The following TRDN variants were observed in gnomAD, a reference collection of about 807,000 sequenced individuals.
TRDN encodes the protein triadin in skeletal muscle.
TRDN carries 161 observed loss-of-function variants against 149.7 expected under a neutral mutation model. The ratio of observed to expected loss-of-function variants is 1.08; its 90% confidence interval spans 0.95 to 1.23. The LOEUF (loss-of-function observed/expected upper bound fraction) is 1.23, where lower values mean the gene tolerates loss of function less well. TRDN is among the 50% of genes most tolerant of loss of function. The probability of loss-of-function intolerance (pLI) is 0.00; values close to 1 mark genes in which losing one functional copy is unlikely to be tolerated. For missense variants in TRDN, 896 were observed against 823.5 expected, an observed-to-expected ratio of 1.09 and a Z score of -1.08; for synonymous variants, 294 against 250.5, an observed-to-expected ratio of 1.17 and a Z score of -1.64.
At chr6:123,229,195 A>T (rs1257782329) in intron 38 of TRDN, among the ~76,000 whole-genome samples, 2 of 151,934 alleles carry the variant, frequency 1.3e-5, no homozygotes, top group Non-Finnish European at 2.9e-5. Flanking sequence ...TCATGAAAAA[A>T]TGGGCCATCT....
chr6:123,441,345 C>T (rs1774874169), intron 10 of TRDN, among the ~76,000 whole-genome samples: 1 of 152,158 alleles, frequency 6.6e-6, no homozygotes, highest in South Asian at 2.1e-4. Context: ...CCTCTTCCAT[C>T]TCTTTCTCAT....
intron 21 of TRDN, among the ~76,000 whole-genome samples, chr6:123,346,589 T>C (rs1468405495): frequency 6.6e-6 from 1 of 152,030 alleles, no homozygotes; most frequent in African/African-American, 2.4e-5. Context: ...CTTTGTGTTG[T>C]GCTTACCAGA....
At chr6:123,443,333 G>A (rs1052673818) in intron 10 of TRDN, among the ~76,000 whole-genome samples, 1 of 151,728 alleles carries the variant, frequency 6.6e-6, no homozygotes, top group Admixed American at 6.6e-5. Flanking sequence ...ATAGGAGGTG[G>A]CTTGGTTTTT....
At chr6:123,327,942 C>T (rs146315829) in intron 23 of TRDN, among the ~76,000 whole-genome samples, 372 of 152,190 alleles carry the variant, frequency 2.4e-3, no homozygotes, top group Middle Eastern at 6.8e-3. Flanking sequence ...TATATGTGAT[C>T]ATATTACACA....
At chr6:123,351,006 C>T in intron 21 of TRDN, 1 of 983,972 alleles carries the variant, frequency 1.0e-6, no homozygotes, top group Non-Finnish European at 1.2e-6. Flanking sequence ...ACAATGTTTT[C>T]AAATCAATTG....
At chr6:123,428,988 G>C (rs1206563687) in intron 12 of TRDN, 1 of 152,094 alleles carries the variant, frequency 6.6e-6, no homozygotes, top group African/African-American at 2.4e-5. Flanking sequence ...AGAAAAGTAA[G>C]AGTCAGACCT....
At chr6:123,314,814 G>A (rs910254533) in intron 24 of TRDN, among the ~76,000 whole-genome samples, 1 of 151,920 alleles carries the variant, frequency 6.6e-6, no homozygotes, top group Non-Finnish European at 1.5e-5. Context: ...AACACATAAA[G>A]AAGAATAACA....
chr6:123,333,593 A>AG (rs1243652144), intron 22 of TRDN, among the ~76,000 whole-genome samples: 11 of 152,028 alleles, frequency 7.2e-5, no homozygotes, highest in Admixed American at 5.9e-4. Flanking sequence ...CTTTGTCCTC[A>AG]GGGGCTTTTG....
intron 2 of TRDN, among the ~76,000 whole-genome samples, chr6:123,551,268 A>G (rs1325001039): frequency 3.5e-5 from 5 of 143,366 alleles, no homozygotes; most frequent in East Asian, 3.9e-4. Flanking sequence ...TTATGAAGTT[A>G]TCATTGCTAG....
At chr6:123,409,176 C>A (rs771624314) in intron 12 of TRDN, among the ~76,000 whole-genome samples, 6 of 152,052 alleles carry the variant, frequency 3.9e-5, no homozygotes, top group Non-Finnish European at 7.4e-5. Context: ...ATAATAATAT[C>A]ATATAGTCAC....
intron 24 of TRDN, among the ~76,000 whole-genome samples, chr6:123,303,099 AG>A (rs1778487921): frequency 6.6e-6 from 1 of 152,134 alleles, no homozygotes; most frequent in South Asian, 2.1e-4. Context: ...GCTGAGACTT[AG>A]AAGTTAAATC....
intron 1 of TRDN, among the ~76,000 whole-genome samples, chr6:123,583,261 G>A (rs1340469202): frequency 6.6e-6 from 1 of 152,100 alleles, no homozygotes; most frequent in Non-Finnish European, 1.5e-5. Flanking sequence ...TGAGAACGGT[G>A]AATAGGAGTA....
chr6:123,512,326 G>A lies in TRDN; in HGVS notation c.587C>T (p.Pro196Leu), dbSNP rs1277590915. ...HKEKIEKKEK[P>L]ETKTLAKEQK... ...ACCTTTCGCCAGTGTCTTTGTTTCT[G>A]GTTTTTCTTTTTTCTCAATTTTTTC... The change falls in exon 7 of 41, where the codon CCA becomes CTA. Residue 196 changes from proline (P) to leucine (L), a missense_variant. Pro to Leu is a moderately conservative substitution (Grantham distance 98). Coordinates refer to ENST00000334268, the MANE Select transcript of TRDN (RefSeq NM_006073.4). 7 of 1,500,484 alleles carry A rather than the reference G, an allele frequency of 4.7e-6. No individual in the cohort carries two copies. The highest frequency in any genetic ancestry group is 1.8e-5 in the Admixed American group (1 of 54,446). The allele number at this position is 1,500,484 out of a possible 1,614,324, so 92.9% of individuals were successfully genotyped here. A position where few individuals can be genotyped will look rare whatever the true frequency, so the allele number is the denominator to read the frequency against.
At chr6:123,464,692 C>G (rs1056448282) in intron 10 of TRDN, 1 of 1,323,158 alleles carries the variant, frequency 7.6e-7, no homozygotes, top group African/African-American at 1.5e-5. Context: ...CTTCTGGAAG[C>G]TGAGGGTCAC....
At chr6:123,543,819 T>G (rs1780974840) in intron 4 of TRDN, among the ~76,000 whole-genome samples, 1 of 152,116 alleles carries the variant, frequency 6.6e-6, no homozygotes, top group African/African-American at 2.4e-5. Context: ...ATCAAAAAAT[T>G]ATTTCTTAAC....
chr6:123,605,575 C>A (rs1293892056), intron 1 of TRDN, among the ~76,000 whole-genome samples: 26 of 129,462 alleles, frequency 2.0e-4, no homozygotes, highest in Non-Finnish European at 6.3e-5. Context: ...CCAGCCTGGG[C>A]AATATGGCGA....
At chr6:123,593,167 C>T (rs1365492988) in intron 1 of TRDN, among the ~76,000 whole-genome samples, 3 of 152,156 alleles carry the variant, frequency 2.0e-5, no homozygotes, top group East Asian at 3.8e-4. Context: ...AATATGCTAG[C>T]CCCAAAATTG....
chr6:123,276,835 G>A (rs1777384394), intron 26 of TRDN, among the ~76,000 whole-genome samples: 8 of 152,018 alleles, frequency 5.3e-5, no homozygotes. Context: ...TAAAATGAAG[G>A]GATAATGACT....
In TRDN at chr6:123,432,969, T is replaced by A. The variant is rs370975321; in HGVS notation, c.1051+5094A>T. On this transcript the variant is annotated intron_variant, in intron 12 of 40. Coordinates refer to ENST00000334268, the MANE Select transcript of TRDN (RefSeq NM_006073.4). Reference sequence around the variant, plus strand: ...CCTTTTTCTTTTGACACACTGTCTCTTTTTAGTCTCATCTATTCCAAGAGC... The same window carrying A: ...CCTTTTTCTTTTGACACACTGTCTCATTTTAGTCTCATCTATTCCAAGAGC... Among the ~76,000 whole-genome samples the A allele has an allele frequency of 2.9e-4, 44 of 151,902 alleles. No homozygotes were observed. In the South Asian group the frequency reaches 8.7e-3, roughly 30 times the overall value.
Sources: allele counts gnomAD v4.1 joint callset (sites outside exome capture counted in the v4.1 genomes callset), GRCh38; gene constraint gnomAD v4.1.1; transcripts MANE v1.5; gene names NCBI Gene and HGNC (gene_info 2026-07-23, HGNC 2026-07-21).